CSMD1: variants seen among roughly 807,000 people sequenced by gnomAD.
The protein encoded by CSMD1 is CUB and sushi domain-containing protein 1.
In CSMD1, 213 loss-of-function variants were observed where a neutral mutation model predicts 417.5. The ratio of observed to expected loss-of-function variants is 0.51; its 90% CI spans 0.46 to 0.57. The LOEUF is 0.57. Among genes scored for constraint, CSMD1 ranks in the 20% least tolerant of loss-of-function variants. The pLI, the probability that CSMD1 is intolerant of heterozygous loss-of-function variation, is 0.00. For missense variants in CSMD1, 6,923 were observed against 4,529.7 expected, an observed-to-expected ratio of 1.53 and a Z score of -15.17; for synonymous variants, 2,862 against 1,736.8, an observed-to-expected ratio of 1.65 and a Z score of -16.11.
chr8:3,395,277 G>A (rs2116849889), intron 17 of CSMD1, among the ~76,000 whole-genome samples: 1 of 152,276 alleles, frequency 6.6e-6, no homozygotes, highest in African/African-American at 2.4e-5. Flanking sequence ...ATAAAAGTCT[G>A]ATTCCTTCAG....
intron 32 of CSMD1, among the ~76,000 whole-genome samples, chr8:3,200,826 A>G (rs1796952969): frequency 1.3e-5 from 2 of 152,210 alleles, no homozygotes; most frequent in South Asian, 4.1e-4. Context: ...ACCTGGAAAT[A>G]TAATCAAATC....
chr8:3,896,435 A>T (rs1199731697), intron 5 of CSMD1, among the ~76,000 whole-genome samples: 1 of 152,206 alleles, frequency 6.6e-6, no homozygotes, highest in African/African-American at 2.4e-5. Flanking sequence ...AATGTCTCCA[A>T]AACGTTGAAC....
intron 12 of CSMD1, among the ~76,000 whole-genome samples, chr8:3,434,068 G>C (rs946786189): frequency 9.2e-5 from 14 of 152,176 alleles, no homozygotes; most frequent in African/African-American, 3.1e-4. Context: ...TTGATTATGA[G>C]ACCTGAGGTC....
chr8:3,538,154 T>A (rs757474167), intron 10 of CSMD1, among the ~76,000 whole-genome samples: 8 of 152,208 alleles, frequency 5.3e-5, no homozygotes, highest in Non-Finnish European at 1.2e-4. Flanking sequence ...TTTACATCTT[T>A]ACTTGAAAAA....
chr8:4,621,483 T>A (rs1306348337), intron 2 of CSMD1, among the ~76,000 whole-genome samples: 2 of 152,076 alleles, frequency 1.3e-5, no homozygotes, highest in African/African-American at 2.4e-5. Context: ...AAAAACATAA[T>A]TCACCAAAAT....
At chr8:3,931,869 G>A (rs1391729575) in intron 5 of CSMD1, among the ~76,000 whole-genome samples, 1 of 145,978 alleles carries the variant, frequency 6.9e-6, no homozygotes, top group Non-Finnish European at 1.5e-5. Context: ...AGGGAGAAGT[G>A]ATTTTGGTTG....
chr8:4,841,693 C>G (rs1416537788), intron 1 of CSMD1, among the ~76,000 whole-genome samples: 3 of 151,828 alleles, frequency 2.0e-5, no homozygotes, highest in African/African-American at 7.3e-5. Context: ...GGCGGATCAT[C>G]TGAGGTCAGG....
At chr8:4,590,634 G>A (rs947738589) in intron 2 of CSMD1, among the ~76,000 whole-genome samples, 18 of 152,020 alleles carry the variant, frequency 1.2e-4, no homozygotes, top group Non-Finnish European at 1.8e-4. Context: ...GTTGTTCAAA[G>A]TTGTTGACTT....
intron 1 of CSMD1, among the ~76,000 whole-genome samples, chr8:4,915,022 A>T (rs558690619): frequency 6.6e-6 from 1 of 152,206 alleles, no homozygotes; most frequent in Non-Finnish European, 1.5e-5. Context: ...TTCATATTAG[A>T]TATGAGAAAC....
chr8:3,801,299 A>C (rs117959113), intron 5 of CSMD1, among the ~76,000 whole-genome samples: 8,756 of 152,274 alleles, frequency 0.058, 373 homozygotes, highest in Non-Finnish European at 0.085. Context: ...ATTGGGAAAA[A>C]GATTTAAATA....
At chr8:3,051,070 C>A (rs1811786817) in intron 50 of CSMD1, among the ~76,000 whole-genome samples, 1 of 152,172 alleles carries the variant, frequency 6.6e-6, no homozygotes, top group South Asian at 2.1e-4. Context: ...ATAGAATGCT[C>A]ATTCAACCCA....
chr8:4,347,701 C>G (rs189839631), intron 3 of CSMD1, among the ~76,000 whole-genome samples: 1 of 152,248 alleles, frequency 6.6e-6, no homozygotes, highest in East Asian at 1.9e-4. Flanking sequence ...ACAAACATCC[C>G]TTCTATCTCC....
chr8:4,093,455 C>A (rs925888180), intron 3 of CSMD1, among the ~76,000 whole-genome samples: 2 of 152,028 alleles, frequency 1.3e-5, no homozygotes, highest in Non-Finnish European at 2.9e-5. Context: ...ATCTGAATAT[C>A]TGAATTAAGA....
intron 20 of CSMD1, among the ~76,000 whole-genome samples, chr8:3,363,078 C>G (rs961268815): frequency 1.3e-5 from 2 of 152,190 alleles, no homozygotes; most frequent in African/African-American, 4.8e-5. Context: ...AGGGGTCTGG[C>G]CACAGTGCCC....
intron 26 of CSMD1, among the ~76,000 whole-genome samples, chr8:3,274,007 T>G (rs561314311): frequency 3.4e-4 from 52 of 151,908 alleles, no homozygotes; most frequent in African/African-American, 1.2e-3. Context: ...CTAGTTCTTT[T>G]AATTGTGATG....
chr8:3,836,216 C>T (rs115720720), intron 5 of CSMD1, among the ~76,000 whole-genome samples: 1,562 of 152,190 alleles, frequency 0.01, 27 homozygotes, highest in African/African-American at 0.036. Flanking sequence ...TGTCATCGGA[C>T]ATTCTTTAAA....
chr8:4,164,052 C>G (rs989092602), intron 3 of CSMD1, among the ~76,000 whole-genome samples: 10 of 152,216 alleles, frequency 6.6e-5, no homozygotes, highest in African/African-American at 2.4e-4. Flanking sequence ...ATTCCCTTCT[C>G]TTCTTTATAA....
chr8:4,869,805 G>A (rs868787059), intron 1 of CSMD1, among the ~76,000 whole-genome samples: 3 of 151,962 alleles, frequency 2.0e-5, no homozygotes, highest in Admixed American at 6.6e-5. Context: ...TTGTCTGCCT[G>A]ATGTTAATTA....
At chr8:4,342,879 T>C (rs1273835403) in intron 3 of CSMD1, among the ~76,000 whole-genome samples, 2 of 151,978 alleles carry the variant, frequency 1.3e-5, no homozygotes, top group African/African-American at 2.4e-5. Context: ...CCATGTGACA[T>C]ATCAGGAGAA....
Sources: gnomAD v4.1 joint callset for allele counts (sites outside exome capture counted in the v4.1 genomes callset) on GRCh38, gnomAD v4.1.1 for gene constraint, MANE v1.5 for transcripts, NCBI Gene and HGNC (gene_info 2026-07-23, HGNC 2026-07-21) for gene names.